TLE1: variants seen among roughly 807,000 people sequenced by gnomAD.
TLE1 encodes TLE family member 1, transcriptional corepressor.
A neutral mutation model predicts 89.8 loss-of-function variants in TLE1; 21 were observed. That is an observed-to-expected ratio of 0.23 (90% CI 0.17 to 0.34). The LOEUF (loss-of-function observed/expected upper bound fraction) is 0.34. TLE1 is among the 10% of genes least tolerant of loss of function. The pLI is 1.00. For missense variants in TLE1, 795 were observed against 1,031.2 expected, an observed-to-expected ratio of 0.77 and a Z score of 3.14; for synonymous variants, 447 against 407.6, an observed-to-expected ratio of 1.10 and a Z score of -1.16.
chr9:81,645,349 G>A (rs1828718717), intron 6 of TLE1, among the ~76,000 whole-genome samples: 2 of 144,146 alleles, frequency 1.4e-5, no homozygotes, highest in African/African-American at 5.1e-5. Flanking sequence ...TGGGCAACAA[G>A]AGAGAAACTC....
intron 15 of TLE1, among the ~76,000 whole-genome samples, chr9:81,592,496 A>G (rs1430947527): frequency 1.3e-5 from 2 of 152,208 alleles, no homozygotes; most frequent in Non-Finnish European, 2.9e-5. Flanking sequence ...TCTTTCGTTG[A>G]TGGCTGCCCC....
At chr9:81,588,337 T>C (rs973495463) in intron 16 of TLE1, among the ~76,000 whole-genome samples, 1 of 152,132 alleles carries the variant, frequency 6.6e-6, no homozygotes, top group Admixed American at 6.5e-5. Flanking sequence ...AACACAGCAA[T>C]GCCCTACGTG....
intron 9 of TLE1, 149 bp downstream of exon 9, chr9:81,620,292 G>A: frequency 1.5e-6 from 1 of 668,944 alleles, no homozygotes; most frequent in South Asian, 2.2e-5. Flanking sequence ...AGCCCCAAAG[G>A]GAAATACTAT....
chr9:81,622,542 T>C (rs1163537669), intron 8 of TLE1, among the ~76,000 whole-genome samples: 4 of 152,208 alleles, frequency 2.6e-5, no homozygotes, highest in Non-Finnish European at 4.4e-5. Context: ...TTAGAAACAA[T>C]AACCTTTCCG....
chr9:81,584,568 T>A lies in TLE1; in HGVS notation c.2129-44A>T, dbSNP rs375787553. The A allele has an allele frequency of 1.2e-3, 1,958 of 1,586,192 alleles. 36 individuals carry two copies. The South Asian group carries it at 0.021, about 17-fold the overall frequency. The stretch of plus-strand genomic sequence containing the variant: ...TATCTAGTTTTCACAAGGTTAAAAT[T>A]CCTACTATACAATTAGCAACTTGGA... On this transcript the variant is annotated intron_variant, in intron 18 of 19. Coordinates refer to ENST00000376499, the MANE Select transcript of TLE1 (RefSeq NM_005077.5).
chr9:81,676,586 A>C (rs1050120508), intron 4 of TLE1, among the ~76,000 whole-genome samples: 1 of 152,220 alleles, frequency 6.6e-6, no homozygotes, highest in African/African-American at 2.4e-5. Flanking sequence ...GAAGAGAAAG[A>C]AGCAGTGGCC....
chr9:81,603,304 G>A (rs1457139900), intron 14 of TLE1, among the ~76,000 whole-genome samples: 1 of 152,130 alleles, frequency 6.6e-6, no homozygotes, highest in East Asian at 1.9e-4. Context: ...CTTGGATTTT[G>A]TGATTATTTA....
intron 4 of TLE1, among the ~76,000 whole-genome samples, chr9:81,663,515 G>A (rs577789862): frequency 1.1e-4 from 16 of 152,196 alleles, no homozygotes; most frequent in Admixed American, 3.9e-4. Flanking sequence ...GGACAAGTCC[G>A]CATGATCCCT....
chr9:81,629,926 T>C (rs1008583319), intron 8 of TLE1, among the ~76,000 whole-genome samples: 1 of 152,182 alleles, frequency 6.6e-6, no homozygotes, highest in African/African-American at 2.4e-5. Context: ...TAAAACAGAT[T>C]GCTTATTTAA....
intron 16 of TLE1, among the ~76,000 whole-genome samples, chr9:81,588,278 G>A (rs1034946263): frequency 3.9e-5 from 6 of 152,182 alleles, no homozygotes; most frequent in Non-Finnish European, 8.8e-5. Context: ...AAATGGGGAC[G>A]TTACAAGCAC....
In TLE1 at chr9:81,587,768, C is replaced by A. The variant is rs887472453; in HGVS notation, c.1890G>T (p.Lys630Asn). 2 of 1,614,088 alleles carry A rather than the reference C, an allele frequency of 1.2e-6. No individual in the cohort carries two copies. Among genetic ancestry groups the A allele is most frequent in the African/African-American group, 2.7e-5 (2 of 74,918 alleles). ...SCIDISNDGTKLWTGGLDNTV... is the reference protein window; with the variant it reads ...SCIDISNDGTNLWTGGLDNTV... ...TGTTGTCCAAACCACCCGTCCAGAG[C>A]TTGGTGCCATCATTAGAAATGTCAA... The change falls in exon 17 of 20, where the codon AAG (lysine) becomes AAT (asparagine). Residue 630 changes from lysine (K) to asparagine (N), a missense_variant. This residue lies in a region of TLE1 where 214 missense variants were observed against 354.9 expected (regional missense o/e 0.60). Coordinates refer to ENST00000376499, the MANE Select transcript of TLE1 (RefSeq NM_005077.5).
chr9:81,632,322 T>A (rs10780523), intron 8 of TLE1, among the ~76,000 whole-genome samples: 27,173 of 151,924 alleles, frequency 0.18, 3,039 homozygotes, highest in East Asian at 0.42. Flanking sequence ...TCCACGCACA[T>A]CCAGATACAT....
At chr9:81,587,991 C>T (rs1358042437) in intron 16 of TLE1, among the ~76,000 whole-genome samples, 163 bp from the exon 17 acceptor site, 3 of 147,198 alleles carry the variant, frequency 2.0e-5, no homozygotes, top group Non-Finnish European at 3.0e-5. Flanking sequence ...CTAACCTTCC[C>T]CTGAGGAGGA....
At chr9:81,660,267 T>C (rs1374724041) in intron 4 of TLE1, among the ~76,000 whole-genome samples, 3 of 150,900 alleles carry the variant, frequency 2.0e-5, no homozygotes, top group Non-Finnish European at 4.4e-5. Context: ...TTAATCTCCA[T>C]GCACCCCTAA....
At chr9:81,678,732 TTGAAC>T (rs373052141) in intron 4 of TLE1, among the ~76,000 whole-genome samples, 1 of 151,948 alleles carries the variant, frequency 6.6e-6, no homozygotes, top group African/African-American at 2.4e-5. Context: ...GGGGAACTGC[TTGAAC>T]CTACATACCT....
intron 5 of TLE1, 70 bp from the exon 6 acceptor site, chr9:81,652,358 A>G: frequency 7.4e-7 from 1 of 1,354,920 alleles, no homozygotes; most frequent in Non-Finnish European, 1.0e-6. Flanking sequence ...TAACAACAAA[A>G]AGTCAAATGC....
At chr9:81,687,736 G>A (rs1012470626) in intron 1 of TLE1, among the ~76,000 whole-genome samples, 11 of 152,090 alleles carry the variant, frequency 7.2e-5, no homozygotes, top group Admixed American at 2.0e-4. Flanking sequence ...GACCAGGCCA[G>A]ATTGTCGGTG....
intron 6 of TLE1, among the ~76,000 whole-genome samples, chr9:81,642,399 T>C (rs1220299955): frequency 6.6e-6 from 1 of 151,828 alleles, no homozygotes; most frequent in Admixed American, 6.6e-5. Flanking sequence ...GAAAATGAAA[T>C]TGGGGTCCGA....
chr9:81,600,928 G>A (rs1830832464), intron 14 of TLE1, among the ~76,000 whole-genome samples: 1 of 152,186 alleles, frequency 6.6e-6, no homozygotes, highest in Non-Finnish European at 1.5e-5. Flanking sequence ...AGTGCTACTG[G>A]TTCTCAGGCC....
Sources: gnomAD v4.1 joint callset for allele counts (sites outside exome capture counted in the v4.1 genomes callset) on GRCh38, gnomAD v4.1.1 for gene constraint, gnomAD v4.1.1 regional missense constraint, MANE v1.5 for transcripts, NCBI Gene and HGNC (gene_info 2026-07-23, HGNC 2026-07-21) for gene names.